HTR1E: variants seen among roughly 807,000 people sequenced by gnomAD.
HTR1E encodes the protein 5-hydroxytryptamine receptor 1E.
Under a neutral mutation model 3.4 loss-of-function variants are expected in HTR1E, and 3 were observed. That is an observed-to-expected ratio of 0.89 (90% CI 0.41 to 2.31). The LOEUF (loss-of-function observed/expected upper bound fraction) is 2.31. Ranked by LOEUF, HTR1E falls within the 30% of genes most tolerant of loss-of-function variation. The pLI is 0.05. For missense variants in HTR1E, 392 were observed against 467.0 expected (o/e 0.84, Z 1.48); for synonymous variants, 170 against 182.8 (o/e 0.93, Z 0.56).
At chr6:86,958,396 C>T (rs1767355179) in intron 1 of HTR1E, among the ~76,000 whole-genome samples, 1 of 152,148 alleles carries the variant, frequency 6.6e-6, no homozygotes, top group South Asian at 2.1e-4. Context: ...ACAATGACCC[C>T]AAACATTCTG....
At chr6:87,012,948 C>T (rs1034255624) in intron 1 of HTR1E, among the ~76,000 whole-genome samples, 4 of 152,210 alleles carry the variant, frequency 2.6e-5, no homozygotes, top group Non-Finnish European at 5.9e-5. Context: ...AAACCGCTGA[C>T]TCAGGCACAC....
At chr6:87,010,307 CG>C (rs1331753929) in intron 1 of HTR1E, among the ~76,000 whole-genome samples, 4 of 84,628 alleles carry the variant, frequency 4.7e-5, no homozygotes, top group African/African-American at 1.1e-4. Context: ...GCTGGCCGGG[CG>C]GGGGGGCTGA....
intron 1 of HTR1E, among the ~76,000 whole-genome samples, chr6:87,011,163 G>A (rs1321637504): frequency 6.6e-6 from 1 of 152,214 alleles, no homozygotes; most frequent in East Asian, 1.9e-4. Context: ...AGAACATCAT[G>A]TGGAGCCAGG....
intron 1 of HTR1E, among the ~76,000 whole-genome samples, chr6:87,011,355 G>C (rs1304494488): frequency 6.6e-6 from 1 of 152,128 alleles, no homozygotes. Context: ...AGGTTGACTG[G>C]GAAAATGCTG....
At chr6:86,995,292 TAATAAATAAATAAATA>T (rs71014980) in intron 1 of HTR1E, among the ~76,000 whole-genome samples, 5 of 144,134 alleles carry the variant, frequency 3.5e-5, no homozygotes, top group Non-Finnish European at 6.0e-5. Flanking sequence ...CTCTATAATA[TAATAAATAAATAAATA>T]AATAAATAAA....
intron 1 of HTR1E, among the ~76,000 whole-genome samples, chr6:87,010,833 C>T (rs981003053): frequency 5.3e-5 from 8 of 151,990 alleles, no homozygotes; most frequent in African/African-American, 1.4e-4. Flanking sequence ...GGGGCCCGTC[C>T]GCTCCTCCAG....
At chr6:86,991,241 G>A (rs911872433) in intron 1 of HTR1E, among the ~76,000 whole-genome samples, 1 of 152,126 alleles carries the variant, frequency 6.6e-6, no homozygotes, top group African/African-American at 2.4e-5. Context: ...ATACAATGTG[G>A]TGTCCTGAAT....
intron 1 of HTR1E, among the ~76,000 whole-genome samples, chr6:86,961,763 G>C (rs1767411412): frequency 6.6e-6 from 1 of 152,214 alleles, no homozygotes; most frequent in Non-Finnish European, 1.5e-5. Flanking sequence ...ATATGCACAT[G>C]CAAATATACA....
intron 1 of HTR1E, among the ~76,000 whole-genome samples, chr6:87,009,831 G>T (rs1316379263): frequency 8.8e-6 from 1 of 113,052 alleles, no homozygotes. Flanking sequence ...CGGGCGGGGG[G>T]ACTGACCCCC....
intron 1 of HTR1E, among the ~76,000 whole-genome samples, chr6:86,999,355 A>T (rs899715957): frequency 6.6e-6 from 1 of 152,212 alleles, no homozygotes; most frequent in African/African-American, 2.4e-5. Flanking sequence ...CAAAAAAATT[A>T]AAAATGAGGT....
chr6:87,010,759 A>C (rs1018367570), intron 1 of HTR1E, among the ~76,000 whole-genome samples: 1 of 150,770 alleles, frequency 6.6e-6, no homozygotes, highest in Admixed American at 6.6e-5. Context: ...GGCCGGGCAG[A>C]GGCTGCAATC....
intron 1 of HTR1E, among the ~76,000 whole-genome samples, chr6:87,005,433 C>T (rs1363380628): frequency 6.6e-6 from 1 of 152,082 alleles, no homozygotes; most frequent in Non-Finnish European, 1.5e-5. Flanking sequence ...GAAATAAATC[C>T]GTACGTCTAC....
At chr6:86,988,270 T>A (rs1457507046) in intron 1 of HTR1E, among the ~76,000 whole-genome samples, 8 of 152,162 alleles carry the variant, frequency 5.3e-5, no homozygotes, top group Non-Finnish European at 2.9e-5. Flanking sequence ...CAGCCCACTA[T>A]GAGTTTACCA....
chr6:86,945,395 C>A (rs1768601492), intron 1 of HTR1E, among the ~76,000 whole-genome samples: 1 of 152,200 alleles, frequency 6.6e-6, no homozygotes, highest in South Asian at 2.1e-4. Flanking sequence ...GCACTCACCA[C>A]CATGCCCAGC....
intron 1 of HTR1E, among the ~76,000 whole-genome samples, chr6:86,964,799 A>T (rs1767452829): frequency 1.3e-5 from 2 of 152,224 alleles, no homozygotes; most frequent in Admixed American, 6.5e-5. Context: ...TTATATTTTA[A>T]TGCCTTGCAA....
At chr6:87,002,381 C>T (rs1768036602) in intron 1 of HTR1E, among the ~76,000 whole-genome samples, 1 of 152,190 alleles carries the variant, frequency 6.6e-6, no homozygotes, top group African/African-American at 2.4e-5. Context: ...TTGTGAAGAG[C>T]AAAAGAACAA....
chr6:86,990,705 A>G (rs1582274805), intron 1 of HTR1E, among the ~76,000 whole-genome samples: 1 of 152,340 alleles, frequency 6.6e-6, no homozygotes, highest in Non-Finnish European at 1.5e-5. Context: ...TTGGGACTGA[A>G]TCATAAATAT....
chr6:87,013,814 C>T (rs1768274729), intron 1 of HTR1E, among the ~76,000 whole-genome samples: 1 of 151,878 alleles, frequency 6.6e-6, no homozygotes, highest in South Asian at 2.1e-4. Context: ...CAAACAACCC[C>T]ATCAAAAAGT....
intron 1 of HTR1E, among the ~76,000 whole-genome samples, chr6:87,003,529 A>C (rs557472084): frequency 4.0e-4 from 48 of 119,672 alleles, no homozygotes; most frequent in Non-Finnish European, 4.8e-4. Context: ...ACAGAGAGAG[A>C]CTCCATCTCA....
Sources: allele counts gnomAD v4.1 joint callset (sites outside exome capture counted in the v4.1 genomes callset), GRCh38; gene constraint gnomAD v4.1.1; transcripts MANE v1.5; gene names NCBI Gene and HGNC (gene_info 2026-07-23, HGNC 2026-07-21).